Variants in NEGR1 observed in about 807,000 individuals in gnomAD.
NEGR1 encodes neuronal growth regulator 1, also known as IgLON family member 4.
A neutral mutation model predicts 40.9 loss-of-function variants in NEGR1; 10 were observed. That is an observed-to-expected ratio of 0.24 (90% CI 0.15 to 0.42). The LOEUF (loss-of-function observed/expected upper bound fraction) is 0.42. NEGR1 is among the 10% of genes least tolerant of loss of function. The pLI is 1.00. For missense variants in NEGR1, 352 were observed against 438.9 expected, an observed-to-expected ratio of 0.80 and a Z score of 1.77; for synonymous variants, 185 against 166.8, an observed-to-expected ratio of 1.11 and a Z score of -0.84.
intron 6 of NEGR1, among the ~76,000 whole-genome samples, chr1:71,565,523 T>A (rs1249215817): frequency 6.6e-6 from 1 of 152,094 alleles, no homozygotes; most frequent in Non-Finnish European, 1.5e-5. Context: ...CAGAGCACAT[T>A]TCCTCATCAA....
At chr1:71,856,610 AT>A in intron 2 of NEGR1, among the ~76,000 whole-genome samples, 1 of 152,186 alleles carries the variant, frequency 6.6e-6, no homozygotes, top group Non-Finnish European at 1.5e-5. Context: ...AAGTGAAGCA[AT>A]AGTGAGATAA....
intron 2 of NEGR1, among the ~76,000 whole-genome samples, chr1:71,845,420 G>C (rs548927235): frequency 6.6e-6 from 1 of 152,146 alleles, no homozygotes; most frequent in South Asian, 2.1e-4. Context: ...AAGAAACAAA[G>C]TCCCACATAA....
chr1:72,180,475 A>G (rs931431962), intron 1 of NEGR1, among the ~76,000 whole-genome samples: 3 of 152,184 alleles, frequency 2.0e-5, no homozygotes, highest in Admixed American at 1.3e-4. Context: ...TAGAATTACA[A>G]AAACTAAAAA....
At chr1:71,855,797 A>G (rs541631616) in intron 2 of NEGR1, among the ~76,000 whole-genome samples, 17 of 152,090 alleles carry the variant, frequency 1.1e-4, no homozygotes, top group Non-Finnish European at 2.2e-4. Flanking sequence ...GCAATAAGGT[A>G]AAATTATTTC....
intron 3 of NEGR1, among the ~76,000 whole-genome samples, chr1:71,727,277 AAG>A (rs1255019883): frequency 6.6e-6 from 1 of 152,104 alleles, no homozygotes; most frequent in Non-Finnish European, 1.5e-5. Context: ...GGTGATTTCT[AAG>A]TGTGCATAAT....
At chr1:71,503,342 A>G (rs1167159338) in intron 6 of NEGR1, among the ~76,000 whole-genome samples, 2 of 151,846 alleles carry the variant, frequency 1.3e-5, no homozygotes, top group East Asian at 3.9e-4. Context: ...CCTATCAAAG[A>G]AGAAGAAGAA....
rs960552157 is a variant in NEGR1, at chr1:71,396,289, A to G, written c.*11157T>C. Reference sequence around the variant, plus strand: ...TTTGATCATAGTGTCCTAAACATCCAGATTAACTCTACCAGGTAATTCTTT... The same window carrying G: ...TTTGATCATAGTGTCCTAAACATCCGGATTAACTCTACCAGGTAATTCTTT... On this transcript the variant is annotated 3_prime_UTR_variant, in exon 7 of 7. Transcript: ENST00000357731. 1.3e-5 allele frequency: 2 copies of G among 152,196 alleles called. No homozygotes were observed. Among genetic ancestry groups the G allele is most frequent in the Non-Finnish European group, 2.9e-5 (2 of 68,034 alleles). 9.4% of individuals were successfully genotyped at this position (152,196 alleles called of 1,614,324 possible).
chr1:72,115,805 T>C (rs1469473549), intron 1 of NEGR1, among the ~76,000 whole-genome samples: 4 of 151,634 alleles, frequency 2.6e-5, no homozygotes, highest in Non-Finnish European at 5.9e-5. Flanking sequence ...GTGTTGAGGG[T>C]GTTAAGTCTT....
chr1:71,994,110 G>GATTACTTCCCAAATGTCA (rs1159251108), intron 1 of NEGR1, among the ~76,000 whole-genome samples: 1 of 152,128 alleles, frequency 6.6e-6, no homozygotes, highest in African/African-American at 2.4e-5. Flanking sequence ...CTGCCTTTTA[G>GATTACTTCCCAAATGTCA]ATTACTTCCC....
intron 1 of NEGR1, among the ~76,000 whole-genome samples, chr1:72,177,771 T>C (rs376842053): frequency 2.3e-5 from 1 of 42,714 alleles, no homozygotes; most frequent in South Asian, 4.7e-4. Flanking sequence ...TTTGTTTTTG[T>C]TTTTTTTTTT....
intron 6 of NEGR1, among the ~76,000 whole-genome samples, chr1:71,437,628 T>C (rs974024218): frequency 2.6e-5 from 4 of 152,210 alleles, no homozygotes; most frequent in Non-Finnish European, 5.9e-5. Context: ...AGAAATGTTA[T>C]GTTCATCTAT....
intron 1 of NEGR1, among the ~76,000 whole-genome samples, chr1:72,025,907 C>G (rs570810914): frequency 2.6e-5 from 4 of 151,270 alleles, no homozygotes; most frequent in Non-Finnish European, 5.9e-5. Context: ...GTCAGGAGAT[C>G]GAGATCATCC....
At position 71,784,332 on chromosome 1, in the gene NEGR1, C is replaced by T. The variant is rs545840272; in HGVS notation, c.410-8035G>A. On this transcript the variant is annotated intron_variant, in intron 2 of 6. Coordinates refer to ENST00000357731, the MANE Select transcript of NEGR1 (RefSeq NM_173808.3). ...CTCTCCTATATTTAAAATCTGCACT[C>T]TAAGTAGAAAGGCTTTTTTTTTTTT... 5.9e-5 allele frequency among the ~76,000 whole-genome samples: 9 copies of T among 151,890 alleles called. No individual in the cohort carries two copies. In the East Asian group the frequency reaches 1.7e-3, roughly 29 times the overall value.
At chr1:71,474,717 C>CAAAAA (rs56219737) in intron 6 of NEGR1, among the ~76,000 whole-genome samples, 24 of 86,032 alleles carry the variant, frequency 2.8e-4, no homozygotes, top group Admixed American at 5.6e-4. Context: ...GACTCTATCT[C>CAAAAA]AAAAAAAAAA....
chr1:71,866,127 GGAAAT>G (rs1433761032), intron 2 of NEGR1, among the ~76,000 whole-genome samples: 2 of 151,746 alleles, frequency 1.3e-5, no homozygotes, highest in East Asian at 3.9e-4. Flanking sequence ...TTTACTTAAA[GGAAAT>G]AATAATGAGG....
intron 4 of NEGR1, among the ~76,000 whole-genome samples, chr1:71,653,613 A>G (rs1651785308): frequency 1.3e-5 from 2 of 152,190 alleles, no homozygotes; most frequent in Non-Finnish European, 2.9e-5. Context: ...TTACAAAATA[A>G]GTAATATTCA....
intron 2 of NEGR1, among the ~76,000 whole-genome samples, chr1:71,845,417 A>G (rs1474293965): frequency 6.6e-6 from 1 of 152,138 alleles, no homozygotes; most frequent in Non-Finnish European, 1.5e-5. Context: ...AAAAAGAAAC[A>G]AAGTCCCACA....
At chr1:71,882,348 T>C (rs1660604817) in intron 2 of NEGR1, among the ~76,000 whole-genome samples, 6 of 152,104 alleles carry the variant, frequency 3.9e-5, no homozygotes, top group Admixed American at 3.9e-4. Context: ...GCAGAAGATT[T>C]CATCCTGTTT....
intron 6 of NEGR1, among the ~76,000 whole-genome samples, chr1:71,423,150 G>A (rs1017266341): frequency 1.3e-5 from 2 of 152,174 alleles, no homozygotes; most frequent in African/African-American, 2.4e-5. Context: ...CACTTTGGGA[G>A]GCTGACGCAG....
Sources: gnomAD v4.1 joint callset for allele counts (sites outside exome capture counted in the v4.1 genomes callset) on GRCh38, gnomAD v4.1.1 for gene constraint, MANE v1.5 for transcripts, NCBI Gene and HGNC (gene_info 2026-07-23, HGNC 2026-07-21) for gene names.